The following NIPBL variants were observed in gnomAD, a reference collection of about 807,000 sequenced individuals.
NIPBL encodes NIPBL cohesin loading factor.
NIPBL carries 19 observed loss-of-function variants against 321.8 expected under a neutral mutation model. That is an observed-to-expected ratio of 0.06 (90% CI 0.04 to 0.09). The LOEUF is 0.09. Among genes scored for constraint, NIPBL ranks in the 10% least tolerant of loss-of-function variants. The pLI is 1.00. For missense variants in NIPBL, 2,210 were observed against 3,327.0 expected (o/e 0.66, Z 8.26); for synonymous variants, 1,106 against 1,114.1 (o/e 0.99, Z 0.14).
intron 1 of NIPBL, among the ~76,000 whole-genome samples, chr5:36,930,688 C>T (rs1243839329): frequency 1.3e-5 from 2 of 152,014 alleles, no homozygotes; most frequent in Non-Finnish European, 2.9e-5. Context: ...TTCATAGATG[C>T]TCTTTATTAG....
chr5:37,064,148 A>G (rs1755124144), intron 46 of NIPBL, 170 bp downstream of exon 46: 4 of 1,432,548 alleles, frequency 2.8e-6, no homozygotes, highest in South Asian at 1.6e-5. Context: ...CCTTTTGTAG[A>G]AAGTTTAACA....
At chr5:37,026,393 T>G in intron 31 of NIPBL, 66 bp downstream of exon 31, 1 of 860,712 alleles carries the variant, frequency 1.2e-6, no homozygotes, top group East Asian at 2.5e-5. Context: ...CTACATGTCT[T>G]ATGAAGGAAG....
At chr5:37,000,232 C>A in intron 11 of NIPBL, 141 bp from the exon 12 acceptor site, 2 of 762,184 alleles carry the variant, frequency 2.6e-6, no homozygotes, top group Non-Finnish European at 4.2e-6. Context: ...ATAACTTAAA[C>A]TTCTGGATAG....
At position 36,953,075 on chromosome 5, in the gene NIPBL, A is replaced by G. The variant is rs116082747; in HGVS notation, c.-79-543A>G. On this transcript the variant is annotated intron_variant, in intron 1 of 46. Transcript: ENST00000282516. ...TAGGAAGAATGTCTTAAGGAAATGT[A>G]TAAAGATGGGAATACACAAGGGAGA... 1.6e-3 allele frequency among the ~76,000 whole-genome samples: 243 copies of G among 152,300 alleles called. 3 individuals carry two copies. Among genetic ancestry groups the G allele is most frequent in the African/African-American group, 5.7e-3 (237 of 41,576 alleles).
intron 11 of NIPBL, among the ~76,000 whole-genome samples, chr5:36,997,396 T>C (rs1401376122): frequency 6.6e-6 from 1 of 152,178 alleles, no homozygotes; most frequent in Admixed American, 6.5e-5. Flanking sequence ...AATCAAAAAT[T>C]TCCACCAAGT....
chr5:37,047,963 A>G (rs1393008691), intron 38 of NIPBL, among the ~76,000 whole-genome samples: 6 of 152,164 alleles, frequency 3.9e-5, no homozygotes, highest in Non-Finnish European at 8.8e-5. Flanking sequence ...GGTTTATTAT[A>G]TTGTTTCATC....
chr5:36,991,670 C>T (rs34218486), intron 10 of NIPBL, among the ~76,000 whole-genome samples: 18,051 of 151,334 alleles, frequency 0.12, 1,236 homozygotes, highest in Admixed American at 0.19. Context: ...GTTGAAGATC[C>T]ATTTGGTGCT....
chr5:36,907,864 C>G (rs1254258897), intron 1 of NIPBL, among the ~76,000 whole-genome samples: 1 of 152,052 alleles, frequency 6.6e-6, no homozygotes, highest in African/African-American at 2.4e-5. Flanking sequence ...ATAATTCACA[C>G]AAGTGAAAAA....
intron 10 of NIPBL, among the ~76,000 whole-genome samples, chr5:36,989,839 CAA>C (rs374278669): frequency 4.0e-4 from 29 of 73,416 alleles, no homozygotes; most frequent in South Asian, 1.5e-3. Flanking sequence ...ACTCTGTCTC[CAA>C]AAAAAAAAAA....
intron 1 of NIPBL, among the ~76,000 whole-genome samples, chr5:36,924,254 T>C (rs1384202897): frequency 6.6e-6 from 1 of 152,212 alleles, no homozygotes; most frequent in Non-Finnish European, 1.5e-5. Flanking sequence ...TATAACTGTT[T>C]AATAAATTAT....
rs950129982 is a variant in NIPBL, at chr5:36,968,322, C to T, written c.611-2554C>T. Among the ~76,000 whole-genome samples the T allele has an allele frequency of 2.0e-5, 3 of 152,092 alleles. No homozygotes were observed. In the South Asian group the frequency reaches 6.2e-4, roughly 32 times the overall value. ...TTTCACTGAATAAAAATACATTAAGCACTTTGGGAGGCTGAGACTGGTGGA... is the reference window on the plus strand; with the variant it reads ...TTTCACTGAATAAAAATACATTAAGTACTTTGGGAGGCTGAGACTGGTGGA... On this transcript the variant is annotated intron_variant, in intron 6 of 46. Transcript: ENST00000282516.
intron 11 of NIPBL, among the ~76,000 whole-genome samples, chr5:36,997,677 TCTTCA>T (rs1212944734): frequency 2.6e-5 from 4 of 152,208 alleles, no homozygotes; most frequent in Admixed American, 2.0e-4. Context: ...TTCCTGTTTT[TCTTCA>T]CTTATTTCTA....
intron 1 of NIPBL, among the ~76,000 whole-genome samples, chr5:36,920,255 T>G (rs897458499): frequency 6.6e-6 from 1 of 152,216 alleles, no homozygotes; most frequent in Non-Finnish European, 1.5e-5. Context: ...TTGTGTCACT[T>G]GAAAAACACT....
At chr5:37,022,904 A>T (rs1219051035) in intron 29 of NIPBL, among the ~76,000 whole-genome samples, 9 of 152,216 alleles carry the variant, frequency 5.9e-5, no homozygotes, top group Admixed American at 5.9e-4. Context: ...AGAGCAAACT[A>T]AAGAGGTTCT....
chr5:36,991,103 A>G (rs918306239), intron 10 of NIPBL, among the ~76,000 whole-genome samples: 2 of 152,000 alleles, frequency 1.3e-5, no homozygotes, highest in African/African-American at 4.8e-5. Context: ...TTTAATATGG[A>G]TCTCTCTGTC....
At chr5:36,954,549 T>G (rs1405560306) in intron 2 of NIPBL, among the ~76,000 whole-genome samples, 1 of 152,160 alleles carries the variant, frequency 6.6e-6, no homozygotes, top group Admixed American at 6.5e-5. Context: ...ATTATCACTT[T>G]GTTGTAGGTA....
At chr5:36,930,422 CT>C (rs539357180) in intron 1 of NIPBL, among the ~76,000 whole-genome samples, 1 of 151,676 alleles carries the variant, frequency 6.6e-6, no homozygotes, top group Non-Finnish European at 1.5e-5. Context: ...TCTAGCTGAG[CT>C]TTTTTTTGAT....
chr5:37,009,326 A>C (rs1048558420), intron 20 of NIPBL, among the ~76,000 whole-genome samples: 1 of 152,210 alleles, frequency 6.6e-6, no homozygotes, highest in African/African-American at 2.4e-5. Flanking sequence ...CACACTGTTA[A>C]TAAGGAGTGT....
At chr5:36,999,723 C>A (rs1746564170) in intron 11 of NIPBL, among the ~76,000 whole-genome samples, 1 of 152,064 alleles carries the variant, frequency 6.6e-6, no homozygotes, top group Non-Finnish European at 1.5e-5. Flanking sequence ...CGTGCATAAG[C>A]TTAGAAACTT....
Sources: gnomAD v4.1 joint callset for allele counts (sites outside exome capture counted in the v4.1 genomes callset) on GRCh38, gnomAD v4.1.1 for gene constraint, MANE v1.5 for transcripts, NCBI Gene and HGNC (gene_info 2026-07-23, HGNC 2026-07-21) for gene names.